Variants in NTNG1 observed in about 807,000 individuals in gnomAD.
The protein encoded by NTNG1 is netrin-G1.
NTNG1 carries 16 observed loss-of-function variants against 54.0 expected under a neutral mutation model. The ratio of observed to expected loss-of-function variants is 0.30; its 90% CI spans 0.20 to 0.45. NTNG1 has a LOEUF of 0.45. Ranked by LOEUF, NTNG1 falls within the 20% of genes least tolerant of loss-of-function variation. NTNG1 has a pLI of 1.00. For synonymous variants in NTNG1, 255 were observed against 263.1 expected, an observed-to-expected ratio of 0.97 and a Z score of 0.30; for missense variants, 530 against 678.7, an observed-to-expected ratio of 0.78 and a Z score of 2.43.
chr1:107,385,507 T>C (rs1671907411), intron 3 of NTNG1, among the ~76,000 whole-genome samples: 1 of 152,020 alleles, frequency 6.6e-6, no homozygotes, highest in Non-Finnish European at 1.5e-5. Flanking sequence ...CATAGTCATA[T>C]GGCCACACCT....
At chr1:107,227,167 G>A (rs1346078211) in intron 2 of NTNG1, among the ~76,000 whole-genome samples, 2 of 152,118 alleles carry the variant, frequency 1.3e-5, no homozygotes, top group Non-Finnish European at 1.5e-5. Context: ...GTTTGCCTAC[G>A]TTTCCTCATC....
intron 2 of NTNG1, among the ~76,000 whole-genome samples, chr1:107,280,519 C>T (rs1664778568): frequency 6.6e-6 from 1 of 151,126 alleles, no homozygotes; most frequent in South Asian, 2.1e-4. Context: ...TTTTCTGAGG[C>T]ATGCTGTAAC....
intron 7 of NTNG1, among the ~76,000 whole-genome samples, chr1:107,475,298 A>G (rs764669852): frequency 3.9e-4 from 60 of 152,206 alleles, no homozygotes; most frequent in Non-Finnish European, 6.6e-4. Flanking sequence ...CTATGTGAAG[A>G]GCAGTAATCT....
At chr1:107,353,993 C>A (rs1354170962) in intron 3 of NTNG1, among the ~76,000 whole-genome samples, 1 of 152,084 alleles carries the variant, frequency 6.6e-6, no homozygotes, top group Non-Finnish European at 1.5e-5. Context: ...GAAATCAACC[C>A]CAATGATCCA....
At chr1:107,365,471 A>AC (rs1670538905) in intron 3 of NTNG1, among the ~76,000 whole-genome samples, 1 of 152,200 alleles carries the variant, frequency 6.6e-6, no homozygotes, top group African/African-American at 2.4e-5. Flanking sequence ...TTAAAGGATA[A>AC]TAAAAAAAAT....
At chr1:107,250,453 G>C (rs1195270240) in intron 2 of NTNG1, among the ~76,000 whole-genome samples, 1 of 152,004 alleles carries the variant, frequency 6.6e-6, no homozygotes, top group Non-Finnish European at 1.5e-5. Flanking sequence ...GAAAACATGT[G>C]GTGTTTGGTT....
Position 107,474,974 on chromosome 1 carries a change from C to T in NTNG1, c.1391-5637C>T, listed in dbSNP as rs147070160. Among the ~76,000 whole-genome samples, 600 of 152,292 alleles carry T rather than the reference C, an allele frequency of 3.9e-3. 2 individuals carry two copies. Among genetic ancestry groups the T allele is most frequent in the African/African-American group, 0.014 (578 of 41,552 alleles). ...GAGGAAATGACAGTGTAAATGCAGA[C>T]ATATTTGCCATTTTCAGCCTAGACA... On this transcript the variant is annotated intron_variant, in intron 7 of 7. Transcript: ENST00000370068.
At chr1:107,427,693 A>G (rs1168418042) in intron 5 of NTNG1, among the ~76,000 whole-genome samples, 2 of 152,090 alleles carry the variant, frequency 1.3e-5, no homozygotes, top group Admixed American at 1.3e-4. Context: ...AAAAGAATCA[A>G]GTTATTATTA....
rs79464469 is a variant in NTNG1, at chr1:107,322,202, C to A, written c.247-2080C>A. 5.0e-3 allele frequency among the ~76,000 whole-genome samples: 764 copies of A among 152,254 alleles called. 7 individuals are homozygous for A. Among genetic ancestry groups the A allele is most frequent in the African/African-American group, 0.018 (728 of 41,574 alleles). On this transcript the variant is annotated intron_variant, in intron 2 of 7. Coordinates refer to ENST00000370068, the MANE Select transcript of NTNG1 (RefSeq NM_001113226.3). ...CAGTGCCCTATCCCTATCTGAGAAG[C>A]TCTGCACACCTGTGCTGAAGGCAAA...
intron 5 of NTNG1, chr1:107,409,736 G>C (rs978978529): frequency 2.0e-5 from 3 of 152,132 alleles, no homozygotes; most frequent in Admixed American, 2.0e-4. Context: ...TATTTTCTCA[G>C]ATTTCCAGCA....
chr1:107,469,654 C>T (rs1000294020), intron 7 of NTNG1, among the ~76,000 whole-genome samples: 4 of 151,916 alleles, frequency 2.6e-5, no homozygotes, highest in African/African-American at 7.3e-5. Flanking sequence ...AGCCTGGGTT[C>T]GACCATGTTG....
chr1:107,246,853 T>TACA (rs983605671), intron 2 of NTNG1, among the ~76,000 whole-genome samples: 2 of 152,224 alleles, frequency 1.3e-5, no homozygotes, highest in African/African-American at 4.8e-5. Context: ...TTTCATGATA[T>TACA]ACAACACCCA....
Position 107,173,664 on chromosome 1 carries a change from A to G in NTNG1, c.246+24825A>G, listed in dbSNP as rs139744043. On this transcript the variant is annotated intron_variant, in intron 2 of 7. Coordinates refer to ENST00000370068, the MANE Select transcript of NTNG1 (RefSeq NM_001113226.3). ...GTTTAATAAGTTCTTATTTAGAACA[A>G]TGAAATACAGTGAGAAAAATTGTAG... Among the ~76,000 whole-genome samples the G allele has an allele frequency of 2.6e-4, 39 of 152,096 alleles. 1 individual carries two copies. Among genetic ancestry groups the G allele is most frequent in the Middle Eastern group, 6.8e-3 (2 of 294 alleles).
At chr1:107,462,041 A>G (rs568498325) in intron 7 of NTNG1, among the ~76,000 whole-genome samples, 1 of 152,344 alleles carries the variant, frequency 6.6e-6, no homozygotes, top group South Asian at 2.1e-4. Context: ...AGCAACGCAG[A>G]TAATGAAAAT....
chr1:107,445,613 T>A (rs1277525459), intron 7 of NTNG1, among the ~76,000 whole-genome samples: 2 of 152,064 alleles, frequency 1.3e-5, no homozygotes, highest in Non-Finnish European at 2.9e-5. Context: ...ATATTTATTG[T>A]TAATCAAATG....
At chr1:107,256,608 G>A (rs1329693270) in intron 2 of NTNG1, among the ~76,000 whole-genome samples, 3 of 152,168 alleles carry the variant, frequency 2.0e-5, no homozygotes, top group African/African-American at 7.2e-5. Context: ...CAGAAAGGAA[G>A]AGCTAAGGGG....
intron 2 of NTNG1, among the ~76,000 whole-genome samples, chr1:107,280,226 C>T (rs1366111010): frequency 3.9e-5 from 3 of 76,412 alleles, no homozygotes; most frequent in African/African-American, 1.1e-4. Context: ...GGTTAATTTA[C>T]TTCTTTAGCT....
chr1:107,196,648 C>T (rs369792524), intron 2 of NTNG1, among the ~76,000 whole-genome samples: 213 of 152,062 alleles, frequency 1.4e-3, no homozygotes, highest in African/African-American at 4.8e-3. Context: ...GACAACATAA[C>T]ACCCAGGCAA....
intron 5 of NTNG1, among the ~76,000 whole-genome samples, chr1:107,428,378 A>G (rs1675032476): frequency 6.6e-6 from 1 of 152,020 alleles, no homozygotes; most frequent in Non-Finnish European, 1.5e-5. Flanking sequence ...TTTTCTGGTT[A>G]TCTGAGCATA....
Sources: gnomAD v4.1 joint callset for allele counts (sites outside exome capture counted in the v4.1 genomes callset) on GRCh38, gnomAD v4.1.1 for gene constraint, MANE v1.5 for transcripts, NCBI Gene and HGNC (gene_info 2026-07-23, HGNC 2026-07-21) for gene names.